CP: variants seen among roughly 807,000 people sequenced by gnomAD.
CP encodes the protein caeruloplasmin.
A neutral mutation model predicts 122.4 loss-of-function variants in CP; 64 were observed. The ratio of observed to expected loss-of-function variants is 0.52; its 90% CI spans 0.43 to 0.64. CP has a LOEUF of 0.64. Ranked by LOEUF, CP falls within the 30% of genes least tolerant of loss-of-function variation. The pLI, the probability that CP is intolerant of heterozygous loss-of-function variation, is 0.00. For synonymous variants in CP, 440 were observed against 436.4 expected (o/e 1.01, Z -0.10); for missense variants, 1,167 against 1,284.4 (o/e 0.91, Z 1.40).
intron 6 of CP, among the ~76,000 whole-genome samples, chr3:149,203,149 C>T (rs754577646): frequency 5.3e-5 from 8 of 152,020 alleles, no homozygotes; most frequent in Non-Finnish European, 1.0e-4. Flanking sequence ...CTCAGTGATC[C>T]GCCCGTCTCG....
intron 4 of CP, among the ~76,000 whole-genome samples, chr3:149,208,838 A>G (rs1727924456): frequency 6.6e-6 from 1 of 152,220 alleles, no homozygotes; most frequent in Non-Finnish European, 1.5e-5. Context: ...TATTTTCTTA[A>G]ATATAGTTAG....
intron 1 of CP, 131 bp downstream of exon 1, chr3:149,221,516 G>A (rs1728805898): frequency 1.4e-6 from 1 of 730,822 alleles, no homozygotes; most frequent in Admixed American, 3.0e-5. Context: ...TGATTCAAGT[G>A]TCTTGGGTTT....
intron 18 of CP, among the ~76,000 whole-genome samples, chr3:149,174,394 A>G (rs1451509692): frequency 6.6e-6 from 1 of 152,178 alleles, no homozygotes; most frequent in Admixed American, 6.5e-5. Flanking sequence ...AGATAGTTGT[A>G]TGTGTATCTA....
At position 149,186,539 on chromosome 3, in the gene CP, G is replaced by A. The variant is rs772557829; in HGVS notation, c.2058C>T (p.His686=). The A allele has an allele frequency of 5.0e-6, 8 of 1,614,060 alleles. No individual in the cohort carries two copies. The Admixed American group carries it at 1.3e-4, about 27-fold the overall frequency. Residue 686 remains histidine (H), a synonymous_variant, in exon 11 of 19, where the codon CAC becomes CAT. Coordinates refer to ENST00000264613, the MANE Select transcript of CP (RefSeq NM_000096.4). ...NLFPQTSLTL[H]MWPDTEGTFN... Reference sequence around the variant, plus strand: ...ATATACCCTCTGTGTCAGGCCACATGTGGAGCGTAAGACTTGTTTGAGGGA... The same window carrying A: ...ATATACCCTCTGTGTCAGGCCACATATGGAGCGTAAGACTTGTTTGAGGGA...
At chr3:149,182,540 CAG>C (rs1316002704) in intron 13 of CP, among the ~76,000 whole-genome samples, 1 of 152,008 alleles carries the variant, frequency 6.6e-6, no homozygotes, top group Admixed American at 6.5e-5. Context: ...AACCAAGCCT[CAG>C]GGGAATGCTG....
chr3:149,183,500 C>T lies in CP; in HGVS notation c.2391G>A (p.Glu797=), dbSNP rs1170834835. The stretch of plus-strand genomic sequence containing the variant: ...CCAGATGTTCTTCTTCAGCTTTTCT[C>T]TCCACTGGAACACGGAATGTGCTAT... ...YTDSTFRVPV[E]RKAEEEHLGI... is the part of the protein sequence containing the mutation. Residue 797 remains glutamate, a synonymous_variant, in exon 13 of 19, where the codon GAG becomes GAA. Coordinates refer to ENST00000264613, the MANE Select transcript of CP (RefSeq NM_000096.4). 1 of 1,611,724 alleles carries T rather than the reference C, an allele frequency of 6.2e-7. No individual in the cohort carries two copies.
Position 149,173,078 on chromosome 3 carries a change from T to C in CP, c.*636A>G, listed in dbSNP as rs1402446869. The C allele has an allele frequency of 6.6e-6, 1 of 152,398 alleles. No homozygotes were observed. Among genetic ancestry groups the C allele is most frequent in the Non-Finnish European group, 1.5e-5 (1 of 68,020 alleles). 9.4% of individuals were successfully genotyped at this position (152,398 alleles called of 1,614,324 possible). A position where few individuals can be genotyped will look rare whatever the true frequency, so the allele number is the denominator to read the frequency against. On this transcript the variant is annotated 3_prime_UTR_variant, in exon 19 of 19. Coordinates refer to ENST00000264613, the MANE Select transcript of CP (RefSeq NM_000096.4). ...GCAGAAATTCTACTCATGTGACATCTGCCACAGGTCTATTTTGAAGCTTTT... is the reference window on the plus strand; with the variant it reads ...GCAGAAATTCTACTCATGTGACATCCGCCACAGGTCTATTTTGAAGCTTTT...
chr3:149,167,703 CCTGA>C (rs1473420575), downstream of CP, among the ~76,000 whole-genome samples: 1 of 152,046 alleles, frequency 6.6e-6, no homozygotes, highest in Non-Finnish European at 1.5e-5. Context: ...AAGTTACGAA[CCTGA>C]CTTTTACGTT....
At chr3:149,212,806 A>G (rs1379912770) in intron 1 of CP, 108 bp from the exon 2 acceptor site, 1 of 1,351,520 alleles carries the variant, frequency 7.4e-7, no homozygotes, top group African/African-American at 1.5e-5. Context: ...AGCACATCAC[A>G]TTGAATGTTT....
In CP at chr3:149,185,432, C is replaced by T; in HGVS notation, c.2092G>A (p.Glu698Lys). Residue 698 changes from glutamate to lysine, a missense_variant, in exon 12 of 19, where the codon GAA becomes AAA. Glu to Lys is a moderately conservative substitution (Grantham distance 56). This residue lies in a region of CP where 525 missense variants were observed against 657.2 expected (regional missense o/e 0.80). Transcript: ENST00000264613. ...GTGTAATGATCAGTTGTAAGGCATT[C>T]AACATTAAAAGTCCCTGGAGTGGTA... ...WPDTEGTFNVECLTTDHYTGG... is the reference protein window; with the variant it reads ...WPDTEGTFNVKCLTTDHYTGG... 1 of 1,614,100 alleles carries T rather than the reference C, an allele frequency of 6.2e-7. No individual in the cohort carries two copies. Among genetic ancestry groups the T allele is most frequent in the Non-Finnish European group, 8.5e-7 (1 of 1,180,010 alleles).
In CP at chr3:149,212,684, A is replaced by T. The variant is rs1358976011; in HGVS notation, c.161T>A (p.Ile54Asn). 12 of 1,613,778 alleles carry T rather than the reference A, an allele frequency of 7.4e-6. No individual in the cohort carries two copies. Among genetic ancestry groups the T allele is most frequent in the Admixed American group, 1.7e-5 (1 of 60,022 alleles). ...LISVDTEHSN[I>N]YLQNGPDRIG... ...TCTATCTGGGCCATTTTGAAGATAGATATTGGAATGTTCCCTGCAAAGAAA... is the reference window on the plus strand; with the variant it reads ...TCTATCTGGGCCATTTTGAAGATAGTTATTGGAATGTTCCCTGCAAAGAAA... Residue 54 changes from isoleucine (I) to asparagine (N), a missense_variant, in exon 2 of 19, where the codon ATC becomes AAC. Physicochemically the swap from Ile to Asn is moderately radical, Grantham distance 149 (BLOSUM62 -3). Coordinates refer to ENST00000264613, the MANE Select transcript of CP (RefSeq NM_000096.4).
rs748996605 is a variant in CP at position 149,206,320 on chromosome 3, G to A, written c.1056C>T (p.Phe352=). Residue 352 remains phenylalanine, a synonymous_variant, in exon 6 of 19, where the codon TTC becomes TTT. Transcript: ENST00000264613. ...AAGACTTGTTACACTCCTGGACCTG[G>A]AAAAAGGCTTGCAAACCGGCTGAAA... The part of the protein sequence containing the change: ...NHLKAGLQAF[F]QVQECNKSSS... 18 of 1,613,726 alleles carry A rather than the reference G, an allele frequency of 1.1e-5. No individual in the cohort carries two copies. In the African/African-American group the frequency reaches 1.9e-4, roughly 17 times the overall value.
At chr3:149,174,878 A>T (rs1203736863) in intron 18 of CP, among the ~76,000 whole-genome samples, 1 of 151,958 alleles carries the variant, frequency 6.6e-6, no homozygotes, top group Non-Finnish European at 1.5e-5. Flanking sequence ...ATTTCTCTTT[A>T]ATTTTTTATC....
At chr3:149,174,478 G>A (rs796205853) in intron 18 of CP, among the ~76,000 whole-genome samples, 2 of 152,104 alleles carry the variant, frequency 1.3e-5, no homozygotes, top group South Asian at 4.1e-4. Context: ...AAGCCAATGT[G>A]GCTACGCACA....
chr3:149,218,466 G>A (rs9821640), intron 1 of CP, among the ~76,000 whole-genome samples: 30,641 of 151,978 alleles, frequency 0.2, 3,911 homozygotes, highest in Non-Finnish European at 0.29. Flanking sequence ...AATATTATTG[G>A]CATTAATACC....
intron 1 of CP, among the ~76,000 whole-genome samples, chr3:149,217,090 G>A (rs763722921): frequency 2.6e-5 from 4 of 151,832 alleles, no homozygotes; most frequent in Admixed American, 6.6e-5. Context: ...TAGTAGAGAC[G>A]GGATTTCACC....
downstream of CP, chr3:149,168,343 A>T (rs997357607): frequency 4.5e-6 from 1 of 221,608 alleles, no homozygotes; most frequent in Non-Finnish European, 9.1e-6. Flanking sequence ...GATCATTACT[A>T]TTAAACATAA....
chr3:149,193,221 A>G (rs1301909668), intron 9 of CP, among the ~76,000 whole-genome samples: 2 of 152,144 alleles, frequency 1.3e-5, no homozygotes, highest in Admixed American at 6.5e-5. Context: ...TGTGACCTAG[A>G]AATTTAAGTC....
At chr3:149,217,448 A>C (rs1261982387) in intron 1 of CP, among the ~76,000 whole-genome samples, 1 of 152,162 alleles carries the variant, frequency 6.6e-6, no homozygotes, top group Admixed American at 6.5e-5. Context: ...TCGAATCTGT[A>C]ACTAGAGACT....
Sources: allele counts gnomAD v4.1 joint callset (sites outside exome capture counted in the v4.1 genomes callset), GRCh38; gene constraint gnomAD v4.1.1; regional missense constraint gnomAD v4.1.1; transcripts MANE v1.5; gene names NCBI Gene and HGNC (gene_info 2026-07-23, HGNC 2026-07-21).